Variants in ARHGEF3 observed in about 807,000 individuals in gnomAD.
ARHGEF3 encodes the protein Rho guanine nucleotide exchange factor 3.
In ARHGEF3, 28 loss-of-function variants were observed where a neutral mutation model predicts 63.2. The ratio of observed to expected loss-of-function variants is 0.44; its 90% CI spans 0.33 to 0.61. ARHGEF3 has a LOEUF of 0.61. Among genes scored for constraint, ARHGEF3 ranks in the 20% least tolerant of loss-of-function variants. The pLI, the probability that ARHGEF3 is intolerant of heterozygous loss-of-function variation, is 0.03. For synonymous variants in ARHGEF3, 266 were observed against 254.2 expected, an observed-to-expected ratio of 1.05 and a Z score of -0.44; for missense variants, 533 against 659.3, an observed-to-expected ratio of 0.81 and a Z score of 2.10.
At chr3:56,786,698 T>C (rs1329686109) in intron 1 of ARHGEF3, among the ~76,000 whole-genome samples, 1 of 152,142 alleles carries the variant, frequency 6.6e-6, no homozygotes, top group Non-Finnish European at 1.5e-5. Context: ...CTACAGTTTA[T>C]TAAAATGCAG....
intron 2 of ARHGEF3, among the ~76,000 whole-genome samples, chr3:56,760,991 T>TC (rs1389679119): frequency 1.3e-5 from 2 of 152,144 alleles, no homozygotes; most frequent in African/African-American, 2.4e-5. Context: ...CAACCATTTG[T>TC]CCAGGTGAGG....
At chr3:56,737,026 C>T (rs535207224) in intron 8 of ARHGEF3, among the ~76,000 whole-genome samples, 159 bp downstream of exon 8, 1 of 152,152 alleles carries the variant, frequency 6.6e-6, no homozygotes, top group East Asian at 1.9e-4. Context: ...ACCGGGAAGG[C>T]AGAGGTTGCA....
intron 1 of ARHGEF3, among the ~76,000 whole-genome samples, 154 bp from the exon 2 acceptor site, chr3:56,773,970 A>G (rs1464871798): frequency 6.6e-6 from 1 of 152,192 alleles, no homozygotes; most frequent in African/African-American, 2.4e-5. Context: ...CTGTATGGAG[A>G]TGACCTGGCT....
intron 3 of ARHGEF3, among the ~76,000 whole-genome samples, chr3:56,883,520 C>T (rs924639173): frequency 2.6e-5 from 4 of 152,154 alleles, no homozygotes; most frequent in African/African-American, 9.7e-5. Context: ...TGGTCTCAAA[C>T]TCCTGGGCTC....
At chr3:56,855,709 C>T (rs1309032318) in intron 4 of ARHGEF3, among the ~76,000 whole-genome samples, 1 of 151,718 alleles carries the variant, frequency 6.6e-6, no homozygotes, top group East Asian at 1.9e-4. Flanking sequence ...TCTGGGCTGC[C>T]TGTCTTCCCT....
chr3:56,988,382 C>T (rs1178287185), intron 2 of ARHGEF3, among the ~76,000 whole-genome samples: 1 of 152,120 alleles, frequency 6.6e-6, no homozygotes, highest in African/African-American at 2.4e-5. Flanking sequence ...CTCCTAATCT[C>T]GTGATCCACC....
chr3:57,070,810 T>C (rs1238696431), intron 1 of ARHGEF3, among the ~76,000 whole-genome samples: 1 of 151,024 alleles, frequency 6.6e-6, no homozygotes, highest in East Asian at 1.9e-4. Context: ...AATAAATAAA[T>C]AAAAATTAAA....
At chr3:56,963,267 T>C (rs1311712674) in intron 2 of ARHGEF3, among the ~76,000 whole-genome samples, 1 of 152,146 alleles carries the variant, frequency 6.6e-6, no homozygotes, top group Non-Finnish European at 1.5e-5. Flanking sequence ...TTAGCTATTA[T>C]CATTATGAGA....
intron 3 of ARHGEF3, among the ~76,000 whole-genome samples, chr3:56,928,570 C>A (rs187396520): frequency 2.5e-4 from 38 of 152,286 alleles, no homozygotes; most frequent in African/African-American, 8.4e-4. Context: ...TTACTGCAGA[C>A]AACAATTTGC....
chr3:56,891,545 T>C (rs2108282970), intron 3 of ARHGEF3, among the ~76,000 whole-genome samples: 1 of 152,250 alleles, frequency 6.6e-6, no homozygotes, highest in African/African-American at 2.4e-5. Flanking sequence ...TAACTATAGG[T>C]TGAAGATGTT....
At chr3:57,020,475 G>A (rs1013951822) in intron 2 of ARHGEF3, among the ~76,000 whole-genome samples, 3 of 152,224 alleles carry the variant, frequency 2.0e-5, no homozygotes, top group African/African-American at 7.2e-5. Flanking sequence ...CATGGGTTCA[G>A]ATGAGGCTGA....
intron 3 of ARHGEF3, among the ~76,000 whole-genome samples, chr3:56,946,753 T>C (rs190572709): frequency 6.6e-6 from 1 of 152,278 alleles, no homozygotes; most frequent in Non-Finnish European, 1.5e-5. Context: ...CAGGCCAACA[T>C]TCAAATTCAG....
chr3:56,760,687 A>G (rs1205926043), intron 2 of ARHGEF3, among the ~76,000 whole-genome samples: 6 of 151,778 alleles, frequency 4.0e-5, no homozygotes, highest in Non-Finnish European at 7.4e-5. Flanking sequence ...GTTCCAACAG[A>G]GCCTGAGCTC....
chr3:56,913,276 A>G (rs1175091000), intron 3 of ARHGEF3, among the ~76,000 whole-genome samples: 2 of 152,236 alleles, frequency 1.3e-5, no homozygotes, highest in Non-Finnish European at 2.9e-5. Context: ...TAATATTCAG[A>G]ATATGTAGAG....
chr3:56,839,150 A>T (rs2102084), intron 4 of ARHGEF3, among the ~76,000 whole-genome samples: 129,052 of 149,418 alleles, frequency 0.86, 55,224 homozygotes, highest in East Asian at 0.96. Flanking sequence ...AAAAAAAAAA[A>T]TTTTTTTTTG....
intron 3 of ARHGEF3, among the ~76,000 whole-genome samples, chr3:56,942,695 G>A (rs1021930568): frequency 7.2e-5 from 11 of 152,224 alleles, no homozygotes; most frequent in Non-Finnish European, 1.5e-4. Flanking sequence ...GTTGAGGCAG[G>A]CTGAAAGTTA....
At chr3:56,975,493 C>A (rs1701091014) in intron 2 of ARHGEF3, among the ~76,000 whole-genome samples, 6 of 152,184 alleles carry the variant, frequency 3.9e-5, no homozygotes. Context: ...TAGCCAGACA[C>A]TGTTCTGAAT....
intron 1 of ARHGEF3, among the ~76,000 whole-genome samples, chr3:57,052,439 G>A (rs1308056444): frequency 6.6e-6 from 1 of 152,116 alleles, no homozygotes; most frequent in Non-Finnish European, 1.5e-5. Context: ...TGGGATTACA[G>A]GCAACCACCA....
intron 9 of ARHGEF3, among the ~76,000 whole-genome samples, chr3:56,730,551 T>G (rs1238055789): frequency 2.6e-5 from 4 of 152,104 alleles, no homozygotes; most frequent in Non-Finnish European, 5.9e-5. Context: ...CTGATTTTTG[T>G]ATTTTTTTTA....
Sources: allele counts gnomAD v4.1 joint callset (sites outside exome capture counted in the v4.1 genomes callset), GRCh38; gene constraint gnomAD v4.1.1; transcripts MANE v1.5; gene names NCBI Gene and HGNC (gene_info 2026-07-23, HGNC 2026-07-21).